The following AJAP1 variants were observed in gnomAD, a reference collection of about 807,000 sequenced individuals.
AJAP1 encodes adherens junction-associated protein 1.
Under a neutral mutation model 35.0 loss-of-function variants are expected in AJAP1, and 5 were observed. The observed-to-expected ratio is 0.14, with a 90% confidence interval of 0.07 to 0.30. The LOEUF (loss-of-function observed/expected upper bound fraction) is 0.30. Among genes scored for constraint, AJAP1 ranks in the 10% least tolerant of loss-of-function variants. The probability of loss-of-function intolerance (pLI) is 1.00; values close to 1 mark genes in which losing one functional copy is unlikely to be tolerated. For synonymous variants in AJAP1, 284 were observed against 249.3 expected (o/e 1.14, Z -1.31); for missense variants, 586 against 571.0 (o/e 1.03, Z -0.27).
chr1:4,715,714 G>A (rs1425029647), intron 2 of AJAP1, among the ~76,000 whole-genome samples: 1 of 152,142 alleles, frequency 6.6e-6, no homozygotes, highest in African/African-American at 2.4e-5. Context: ...TTTCCTAAAC[G>A]GTTGCTGTGA....
At chr1:4,763,371 G>A (rs979200388) in intron 2 of AJAP1, among the ~76,000 whole-genome samples, 5 of 152,210 alleles carry the variant, frequency 3.3e-5, no homozygotes, top group African/African-American at 1.2e-4. Flanking sequence ...TTCTGTTTCT[G>A]TAGCATGTGA....
chr1:4,695,936 C>G (rs1639848370), intron 1 of AJAP1, among the ~76,000 whole-genome samples: 1 of 151,974 alleles, frequency 6.6e-6, no homozygotes, highest in Non-Finnish European at 1.5e-5. Flanking sequence ...ATTGCTGCAC[C>G]CATTCTCAGT....
intron 1 of AJAP1, among the ~76,000 whole-genome samples, chr1:4,664,388 T>C (rs1639070397): frequency 1.3e-5 from 2 of 152,114 alleles, no homozygotes; most frequent in African/African-American, 2.4e-5. Flanking sequence ...GCCCATGGTA[T>C]GGAGGTGAAA....
At chr1:4,673,787 G>A (rs141997610) in intron 1 of AJAP1, among the ~76,000 whole-genome samples, 24 of 152,150 alleles carry the variant, frequency 1.6e-4, no homozygotes, top group Admixed American at 3.9e-4. Context: ...CATTCTCAGC[G>A]TTTTAGATGT....
At chr1:4,775,380 C>T (rs1388026774) in intron 5 of AJAP1, among the ~76,000 whole-genome samples, 1 of 152,204 alleles carries the variant, frequency 6.6e-6, no homozygotes, top group Non-Finnish European at 1.5e-5. Context: ...GCATCCTCAT[C>T]TTGCTTCCTT....
intron 1 of AJAP1, among the ~76,000 whole-genome samples, chr1:4,667,006 C>T (rs116403426): frequency 0.014 from 2,059 of 147,490 alleles, 165 homozygotes; most frequent in African/African-American, 0.05. Context: ...CAGAGAGGGG[C>T]CCGTGAATCA....
At chr1:4,768,470 A>G (rs891665204) in intron 2 of AJAP1, among the ~76,000 whole-genome samples, 4 of 152,378 alleles carry the variant, frequency 2.6e-5, no homozygotes, top group Non-Finnish European at 4.4e-5. Flanking sequence ...CATGAGGATC[A>G]TATCCAGCAG....
At chr1:4,764,222 C>T (rs955683188) in intron 2 of AJAP1, among the ~76,000 whole-genome samples, 4 of 152,228 alleles carry the variant, frequency 2.6e-5, no homozygotes, top group Admixed American at 2.6e-4. Context: ...CTGACGAATA[C>T]ATTCACCCCT....
At chr1:4,658,918 G>A (rs545307884) in intron 1 of AJAP1, among the ~76,000 whole-genome samples, 3 of 152,268 alleles carry the variant, frequency 2.0e-5, no homozygotes, top group Admixed American at 6.5e-5. Flanking sequence ...TCTTTCTAGC[G>A]GGGGTCGCTG....
chr1:4,761,021 C>T (rs932152500), intron 2 of AJAP1, among the ~76,000 whole-genome samples: 2 of 152,218 alleles, frequency 1.3e-5, no homozygotes, highest in Non-Finnish European at 2.9e-5. Context: ...TTGGGTGATT[C>T]ATGATCTTGC....
intron 2 of AJAP1, among the ~76,000 whole-genome samples, chr1:4,764,324 A>G (rs1198405197): frequency 6.6e-6 from 1 of 152,096 alleles, no homozygotes; most frequent in Non-Finnish European, 1.5e-5. Flanking sequence ...TGAGCATCCC[A>G]GTTTTGGAAG....
chr1:4,717,313 C>T (rs1257732285), intron 2 of AJAP1, among the ~76,000 whole-genome samples: 1 of 152,176 alleles, frequency 6.6e-6, no homozygotes, highest in East Asian at 1.9e-4. Flanking sequence ...CGTTCTTAGG[C>T]CGTGCATGCT....
intron 1 of AJAP1, among the ~76,000 whole-genome samples, chr1:4,697,133 G>A (rs1425781339): frequency 3.9e-5 from 6 of 152,182 alleles, no homozygotes; most frequent in African/African-American, 1.2e-4. Flanking sequence ...ATGTACAGAT[G>A]TGTGGCTGTA....
intron 2 of AJAP1, among the ~76,000 whole-genome samples, chr1:4,752,036 G>A (rs553736358): frequency 6.6e-6 from 1 of 152,270 alleles, no homozygotes; most frequent in African/African-American, 2.4e-5. Flanking sequence ...TGAGTTAGCT[G>A]GGCAAGTGAC....
chr1:4,743,377 C>T (rs766123132), intron 2 of AJAP1, among the ~76,000 whole-genome samples: 57 of 152,110 alleles, frequency 3.7e-4, no homozygotes, highest in Non-Finnish European at 6.6e-4. Context: ...AGAAAAGGGG[C>T]TCGAGACAGT....
In AJAP1 at chr1:4,783,471, G is replaced by GTATATATA. The variant is rs70957905; in HGVS notation, c.*1018_*1025dup. On this transcript the variant is annotated 3_prime_UTR_variant, in exon 6 of 6. Transcript: ENST00000378191. ...ATGCCAAGGTTTTATATATGTGTGT[G>GTATATATA]TATATATATATATATATATATATAT... 39 of 57,770 alleles carry GTATATATA rather than the reference G, an allele frequency of 6.8e-4. No homozygotes were observed. The highest frequency in any genetic ancestry group is 1.6e-3 in the South Asian group (3 of 1,826). The allele number at this position is 57,770 out of a possible 1,614,324, so 3.6% of individuals were successfully genotyped here.
chr1:4,721,844 A>G (rs145239846), intron 2 of AJAP1, among the ~76,000 whole-genome samples: 3 of 152,352 alleles, frequency 2.0e-5, no homozygotes, highest in African/African-American at 7.2e-5. Context: ...CTGTGTTTTA[A>G]AAGCTTGATA....
intron 1 of AJAP1, among the ~76,000 whole-genome samples, chr1:4,665,766 C>T (rs1160034568): frequency 1.3e-5 from 2 of 152,220 alleles, no homozygotes; most frequent in Admixed American, 6.5e-5. Flanking sequence ...GTGGCCACCG[C>T]GTGCTGGGTG....
chr1:4,775,959 G>A (rs116716894), intron 5 of AJAP1, among the ~76,000 whole-genome samples: 470 of 152,310 alleles, frequency 3.1e-3, no homozygotes, highest in African/African-American at 0.011. Flanking sequence ...TCCGCGACCC[G>A]CCTGGTAAAG....
Sources: gnomAD v4.1 joint callset for allele counts (sites outside exome capture counted in the v4.1 genomes callset) on GRCh38, gnomAD v4.1.1 for gene constraint, MANE v1.5 for transcripts, NCBI Gene and HGNC (gene_info 2026-07-23, HGNC 2026-07-21) for gene names.